SLIT3: variants seen among roughly 807,000 people sequenced by gnomAD.
SLIT3 encodes the protein slit homolog 3 protein.
In SLIT3, 68 loss-of-function variants were observed where a neutral mutation model predicts 184.0. The ratio of observed to expected loss-of-function variants is 0.37; its 90% CI spans 0.30 to 0.45. The LOEUF (loss-of-function observed/expected upper bound fraction) is 0.45. Ranked by LOEUF, SLIT3 falls within the 20% of genes least tolerant of loss-of-function variation. The pLI, the probability that SLIT3 is intolerant of heterozygous loss-of-function variation, is 1.00. For missense variants in SLIT3, 1,707 were observed against 2,026.0 expected (o/e 0.84, Z 3.02); for synonymous variants, 831 against 828.6 (o/e 1.00, Z -0.05).
intron 26 of SLIT3, among the ~76,000 whole-genome samples, chr5:168,704,334 A>T (rs1561883692): frequency 6.6e-6 from 1 of 152,140 alleles, no homozygotes; most frequent in African/African-American, 2.4e-5. Context: ...TATCTACTGA[A>T]TCCTGGCACT....
intron 4 of SLIT3, among the ~76,000 whole-genome samples, chr5:169,009,488 G>A (rs954225774): frequency 6.6e-6 from 1 of 152,220 alleles, no homozygotes; most frequent in African/African-American, 2.4e-5. Context: ...GTCTGCACCA[G>A]GCCCCCTGGC....
chr5:168,973,185 C>T (rs185226002), intron 4 of SLIT3, among the ~76,000 whole-genome samples: 16 of 152,310 alleles, frequency 1.1e-4, no homozygotes, highest in African/African-American at 3.4e-4. Flanking sequence ...CTGACCCATG[C>T]ACAGAAGCAA....
At chr5:168,935,531 A>G (rs1283561033) in intron 4 of SLIT3, among the ~76,000 whole-genome samples, 2 of 152,190 alleles carry the variant, frequency 1.3e-5, no homozygotes, top group Non-Finnish European at 2.9e-5. Context: ...TAATTATACC[A>G]TAGCACCTCA....
At chr5:168,857,396 T>TTG (rs1204932873) in intron 5 of SLIT3, among the ~76,000 whole-genome samples, 1 of 152,076 alleles carries the variant, frequency 6.6e-6, no homozygotes, top group African/African-American at 2.4e-5. Context: ...TTGTTTTGTT[T>TTG]TGTTTTGTTT....
intron 4 of SLIT3, among the ~76,000 whole-genome samples, chr5:169,107,130 C>A (rs1760241211): frequency 6.6e-6 from 1 of 152,226 alleles, no homozygotes; most frequent in African/African-American, 2.4e-5. Context: ...GCTCCACAGT[C>A]CTTGCCTCCT....
At chr5:169,297,552 T>C (rs1767550669) in intron 1 of SLIT3, among the ~76,000 whole-genome samples, 1 of 152,054 alleles carries the variant, frequency 6.6e-6, no homozygotes, top group South Asian at 2.1e-4. Context: ...ACGGAGAAAA[T>C]GCAGTTTCTT....
intron 14 of SLIT3, among the ~76,000 whole-genome samples, chr5:168,771,827 T>C (rs1192581257): frequency 6.6e-6 from 1 of 152,198 alleles, no homozygotes; most frequent in East Asian, 1.9e-4. Context: ...CTCCCCACGC[T>C]GGCATTCTCC....
chr5:169,226,833 T>G (rs911722796), intron 3 of SLIT3, among the ~76,000 whole-genome samples: 14 of 152,204 alleles, frequency 9.2e-5, no homozygotes, highest in African/African-American at 3.4e-4. Context: ...GCTAGAATCG[T>G]GGCCTAGATT....
intron 4 of SLIT3, among the ~76,000 whole-genome samples, chr5:168,899,925 C>G (rs1164562146): frequency 6.6e-6 from 1 of 152,154 alleles, no homozygotes; most frequent in Non-Finnish European, 1.5e-5. Context: ...AACCCCCTCC[C>G]AGTTCCTGAG....
chr5:168,918,375 G>C (rs1239873145), intron 4 of SLIT3, among the ~76,000 whole-genome samples: 2 of 152,136 alleles, frequency 1.3e-5, no homozygotes. Flanking sequence ...GTTCTGACTT[G>C]CATCAGAACA....
At chr5:169,218,091 G>A (rs1371187573) in intron 3 of SLIT3, among the ~76,000 whole-genome samples, 1 of 152,216 alleles carries the variant, frequency 6.6e-6, no homozygotes, top group Non-Finnish European at 1.5e-5. Context: ...GAAGGTGTCT[G>A]CTTTTGGACT....
intron 28 of SLIT3, among the ~76,000 whole-genome samples, chr5:168,694,287 C>G (rs544639734): frequency 2.0e-5 from 3 of 152,346 alleles, no homozygotes; most frequent in East Asian, 3.9e-4. Context: ...CCACTGCCCT[C>G]TCCATTTTCA....
rs188633073 is a variant in SLIT3, at chr5:169,278,609, C to T, written c.197+21904G>A. On this transcript the variant is annotated intron_variant, in intron 1 of 35. Transcript: ENST00000519560. Reference sequence around the variant, plus strand: ...TTAATGCGCAGGCCCAAAGAAAACCCTGCTTCTGCTACTTCCTCTGACCCC... The same window carrying T: ...TTAATGCGCAGGCCCAAAGAAAACCTTGCTTCTGCTACTTCCTCTGACCCC... Among the ~76,000 whole-genome samples, 63 of 152,298 alleles carry T rather than the reference C, an allele frequency of 4.1e-4. 1 individual carries two copies. The highest frequency in any genetic ancestry group is 1.4e-3 in the African/African-American group (60 of 41,572).
At chr5:169,063,019 C>A (rs895380799) in intron 4 of SLIT3, among the ~76,000 whole-genome samples, 4 of 152,198 alleles carry the variant, frequency 2.6e-5, no homozygotes, top group Admixed American at 2.0e-4. Context: ...CTTGTTTGAA[C>A]TGTTTTCGAA....
At chr5:168,819,472 C>G (rs1451356847) in intron 7 of SLIT3, among the ~76,000 whole-genome samples, 1 of 152,188 alleles carries the variant, frequency 6.6e-6, no homozygotes, top group Non-Finnish European at 1.5e-5. Flanking sequence ...GAAGCAGAAC[C>G]TTTTAATGAG....
intron 12 of SLIT3, among the ~76,000 whole-genome samples, chr5:168,776,475 C>G (rs889032607): frequency 1.3e-5 from 2 of 152,182 alleles, no homozygotes; most frequent in African/African-American, 4.8e-5. Context: ...TGGACAGAAC[C>G]TGACTCACAA....
chr5:169,174,874 T>A (rs952107200), intron 4 of SLIT3, among the ~76,000 whole-genome samples: 2 of 152,146 alleles, frequency 1.3e-5, no homozygotes, highest in Non-Finnish European at 2.9e-5. Context: ...CAAAGACGAA[T>A]GATTAAAAAA....
chr5:169,223,121 CAT>C lies in SLIT3; in HGVS notation c.341+21582_341+21583del, dbSNP rs1313074296. Among the ~76,000 whole-genome samples the C allele has an allele frequency of 3.9e-5, 6 of 152,104 alleles. No homozygotes were observed. The East Asian group carries it at 1.2e-3, about 29-fold the overall frequency. ...CTGTGCTTTTCCCACAGCTGAAACA[CAT>C]GTTAAACCAGAGAGAATTCCCAGGG... is the stretch of plus-strand genomic sequence containing the variant. On this transcript the variant is annotated intron_variant, in intron 3 of 35. Coordinates refer to ENST00000519560, the MANE Select transcript of SLIT3 (RefSeq NM_003062.4).
chr5:169,085,253 C>T (rs958947330), intron 4 of SLIT3, among the ~76,000 whole-genome samples: 23 of 152,214 alleles, frequency 1.5e-4, no homozygotes, highest in African/African-American at 5.1e-4. Context: ...TGGCTTATTA[C>T]ACTGCTGAGT....
Sources: allele counts gnomAD v4.1 joint callset (sites outside exome capture counted in the v4.1 genomes callset), GRCh38; gene constraint gnomAD v4.1.1; transcripts MANE v1.5; gene names NCBI Gene and HGNC (gene_info 2026-07-23, HGNC 2026-07-21).